The following C9orf72 variants were observed in gnomAD, a reference collection of about 807,000 sequenced individuals.
C9orf72 encodes guanine nucleotide exchange factor C9orf72.
Under a neutral mutation model 51.6 loss-of-function variants are expected in C9orf72, and 44 were observed. That is an observed-to-expected ratio of 0.85 (90% CI 0.67 to 1.10). The LOEUF (loss-of-function observed/expected upper bound fraction) is 1.10. C9orf72 is among the 50% of genes least tolerant of loss of function. C9orf72 has a pLI of 0.00. For missense variants in C9orf72, 607 were observed against 570.6 expected (o/e 1.06, Z -0.65); for synonymous variants, 213 against 194.2 (o/e 1.10, Z -0.81).
At chr9:27,556,065 T>A (rs1460439655) in intron 8 of C9orf72, among the ~76,000 whole-genome samples, 6 of 151,172 alleles carry the variant, frequency 4.0e-5, no homozygotes, top group African/African-American at 7.3e-5. Flanking sequence ...TAAAAAAAAA[T>A]AAGAAGTGAA....
At chr9:27,560,161 G>T in intron 6 of C9orf72, 66 bp downstream of exon 6, 1 of 1,043,632 alleles carries the variant, frequency 9.6e-7, no homozygotes, top group Non-Finnish European at 1.4e-6. Context: ...CCATTTAAAT[G>T]ACAATCCATG....
At chr9:27,549,500 T>G (rs538398814) in intron 9 of C9orf72, among the ~76,000 whole-genome samples, 1 of 152,178 alleles carries the variant, frequency 6.6e-6, no homozygotes, top group Non-Finnish European at 1.5e-5. Context: ...ACAGACCTCA[T>G]AGATCTCAAT....
chr9:27,567,598 T>C (rs1819498310), intron 1 of C9orf72, among the ~76,000 whole-genome samples: 2 of 152,160 alleles, frequency 1.3e-5, no homozygotes, highest in African/African-American at 4.8e-5. Context: ...AGCTAGAGAC[T>C]GACACTTGTG....
rs1820787287 is a variant in C9orf72 at position 27,547,273 on chromosome 9, T to G, written c.*963A>C. ...ATTTTCTGTTTCTGAAAAAAAGATCTTATTAGTTAGTATATTCTCTAAGGC... is the reference window on the plus strand; with the variant it reads ...ATTTTCTGTTTCTGAAAAAAAGATCGTATTAGTTAGTATATTCTCTAAGGC... On this transcript the variant is annotated 3_prime_UTR_variant, in exon 11 of 11. Transcript: ENST00000380003. 6.6e-6 allele frequency: 1 copy of G among 152,650 alleles called. No individual in the cohort carries two copies. Among genetic ancestry groups the G allele is most frequent in the African/African-American group, 2.4e-5 (1 of 41,462 alleles). 9.5% of individuals were successfully genotyped at this position (152,650 alleles called of 1,614,324 possible). A position where few individuals can be genotyped will look rare whatever the true frequency, so the allele number is the denominator to read the frequency against.
chr9:27,548,172 A>C lies in C9orf72; in HGVS notation c.*64T>G. Reference sequence around the variant, plus strand: ...GTATGATCCAGGGGAACGTTTCCCCACACCACTGAGCTACTTTACCAGCGA... The same window carrying C: ...GTATGATCCAGGGGAACGTTTCCCCCCACCACTGAGCTACTTTACCAGCGA... On this transcript the variant is annotated 3_prime_UTR_variant, in exon 11 of 11. Transcript: ENST00000380003. 7.7e-7 allele frequency: 1 copy of C among 1,296,348 alleles called. No individual in the cohort carries two copies. The highest frequency in any genetic ancestry group is 1.1e-6 in the Non-Finnish European group (1 of 934,590). The allele number at this position is 1,296,348 out of a possible 1,614,324, so 80.3% of individuals were successfully genotyped here.
Position 27,558,490 on chromosome 9 carries a change from C to G in C9orf72, c.855+1G>C. 6.6e-7 allele frequency: 1 copy of G among 1,511,656 alleles called. No homozygotes were observed. The highest frequency in any genetic ancestry group is 9.1e-7 in the Non-Finnish European group (1 of 1,099,596). The allele number at this position is 1,511,656 out of a possible 1,614,324, so 93.6% of individuals were successfully genotyped here. On this transcript the variant is annotated splice_donor_variant, in intron 7 of 10. Transcript: ENST00000380003. LOFTEE classifies it high-confidence loss of function. Reference sequence around the variant, plus strand: ...TCACTTGTGATAACTAGAAACTATACCTTTAGCAGGCCTTGTACAAAGAGC... The same window carrying G: ...TCACTTGTGATAACTAGAAACTATAGCTTTAGCAGGCCTTGTACAAAGAGC...
rs757295067 is a variant in C9orf72, at chr9:27,550,709, TGAAGAAAA to T, written c.1092-10_1092-3del. On this transcript the variant is annotated splice_polypyrimidine_tract_variant and splice_region_variant and intron_variant, in intron 8 of 10. Transcript: ENST00000380003. ...TGTAAGACATCTTGAAAAATATTCC[TGAAGAAAA>T]GAAGAAAATGAAGAAAAGAAAAAAG... is the stretch of plus-strand genomic sequence containing the variant. 3 of 1,564,448 alleles carry T rather than the reference TGAAGAAAA, an allele frequency of 1.9e-6. No homozygotes were observed. The South Asian group carries it at 3.5e-5, about 18-fold the overall frequency.
chr9:27,562,032 A>T (rs1819363166), intron 4 of C9orf72, among the ~76,000 whole-genome samples: 1 of 152,226 alleles, frequency 6.6e-6, no homozygotes, highest in African/African-American at 2.4e-5. Context: ...ACTACAAGTA[A>T]ACTTCCATTA....
At position 27,566,678 on chromosome 9, in the gene C9orf72, T is replaced by G; in HGVS notation, c.443A>C (p.Lys148Thr). Residue 148 changes from lysine (K) to threonine (T), a missense_variant and splice_region_variant, in exon 2 of 11, where the codon AAG (lysine) becomes ACG (threonine). Physicochemically the swap from Lys to Thr is moderately conservative, Grantham distance 78. Transcript: ENST00000380003. ...IIRKGRIWMH[K>T]ERQENVQKII... Reference sequence around the variant, plus strand: ...TTAATAAGCTGAAAAATCACTTACCTTATGCATCCATATTCTTCCTTTCCG... The same window carrying G: ...TTAATAAGCTGAAAAATCACTTACCGTATGCATCCATATTCTTCCTTTCCG... The G allele has an allele frequency of 1.9e-6, 3 of 1,584,594 alleles. No individual in the cohort carries two copies. The highest frequency in any genetic ancestry group is 2.6e-6 in the Non-Finnish European group (3 of 1,161,640).
At chr9:27,563,370 C>G (rs1374573092) in intron 3 of C9orf72, among the ~76,000 whole-genome samples, 1 of 152,044 alleles carries the variant, frequency 6.6e-6, no homozygotes, top group Non-Finnish European at 1.5e-5. Context: ...ATGGATGGTC[C>G]CTCATTTATT....
chr9:27,565,031 G>A (rs2131543438), intron 3 of C9orf72, among the ~76,000 whole-genome samples: 1 of 152,200 alleles, frequency 6.6e-6, no homozygotes, highest in Middle Eastern at 3.4e-3. Context: ...AAATATCACT[G>A]ACAAATTTTA....
intron 1 of C9orf72, among the ~76,000 whole-genome samples, chr9:27,567,594 A>G (rs988873293): frequency 6.6e-6 from 1 of 152,208 alleles, no homozygotes; most frequent in African/African-American, 2.4e-5. Flanking sequence ...GCTCAGCTAG[A>G]GACTGACACT....
chr9:27,573,523 C>CGGCCCCGGCCCCG (rs905464796), upstream of C9orf72: 14 of 142,346 alleles, frequency 9.8e-5, no homozygotes, highest in African/African-American at 3.1e-4. Flanking sequence ...GCCCCGACCA[C>CGGCCCCGGCCCCG]GCCCCGGCCC....
At chr9:27,561,005 CT>C in intron 5 of C9orf72, 1 of 175,150 alleles carries the variant, frequency 5.7e-6, no homozygotes, top group Admixed American at 6.6e-5. Flanking sequence ...AGGCACTGTT[CT>C]AAGTGCTTTA....
intron 9 of C9orf72, among the ~76,000 whole-genome samples, chr9:27,549,950 C>T (rs1820872576): frequency 6.6e-6 from 1 of 151,242 alleles, no homozygotes; most frequent in South Asian, 2.1e-4. Flanking sequence ...ACAAAAAGCA[C>T]CTAATAAAAC....
At chr9:27,568,046 A>G (rs1218585032) in intron 1 of C9orf72, among the ~76,000 whole-genome samples, 3 of 150,346 alleles carry the variant, frequency 2.0e-5, no homozygotes, top group East Asian at 2.0e-4. Flanking sequence ...AAAGTAATAC[A>G]ACACCTAACA....
In C9orf72 at chr9:27,548,643, T is replaced by A; in HGVS notation, c.1173A>T (p.Leu391Phe). 6.2e-7 allele frequency: 1 copy of A among 1,611,260 alleles called. No homozygotes were observed. Among genetic ancestry groups the A allele is most frequent in the Non-Finnish European group, 8.5e-7 (1 of 1,177,522 alleles). Residue 391 changes from leucine to phenylalanine, a missense_variant, in exon 10 of 11, where the codon TTA becomes TTT. Physicochemically the swap from Leu to Phe is conservative, Grantham distance 22 (BLOSUM62 0). Transcript: ENST00000380003. ...GTGCAAGGAAAGTACTTCTGAGAGA[T>A]AAGCCAGGTTTCAGCTGAAAGACCT... Reference protein sequence around the residue: ...LDQVFQLKPGLSLRSTFLAQF... With the variant: ...LDQVFQLKPGFSLRSTFLAQF...
intron 5 of C9orf72, chr9:27,560,910 G>A (rs997685909): frequency 3.1e-6 from 1 of 326,762 alleles, no homozygotes; most frequent in Admixed American, 6.5e-5. Flanking sequence ...TAACATGTAG[G>A]CACTCAACAA....
In C9orf72 at chr9:27,558,709, T is replaced by C. The variant is rs1819269719; in HGVS notation, c.739-102A>G. On this transcript the variant is annotated intron_variant, in intron 6 of 10. Transcript: ENST00000380003. ...TTTAATTGTTATTATCAATAAAACA[T>C]ATCCTAAGAAATAAGTATTCTTTAG... 8 of 623,806 alleles carry C rather than the reference T, an allele frequency of 1.3e-5. No individual in the cohort carries two copies. In the South Asian group the frequency reaches 1.4e-4, roughly 11 times the overall value. 38.6% of individuals were successfully genotyped at this position (623,806 alleles called of 1,614,324 possible).
Sources: gnomAD v4.1 joint callset for allele counts (sites outside exome capture counted in the v4.1 genomes callset) on GRCh38, gnomAD v4.1.1 for gene constraint, MANE v1.5 for transcripts, NCBI Gene and HGNC (gene_info 2026-07-23, HGNC 2026-07-21) for gene names.